CDH18: variants seen among roughly 807,000 people sequenced by gnomAD.
The protein encoded by CDH18 is cadherin-18.
Under a neutral mutation model 67.9 loss-of-function variants are expected in CDH18, and 31 were observed. The observed-to-expected ratio is 0.46, with a 90% CI of 0.34 to 0.62. The LOEUF (loss-of-function observed/expected upper bound fraction) is 0.62. Among genes scored for constraint, CDH18 ranks in the 20% least tolerant of loss-of-function variants. CDH18 has a pLI of 0.01. For synonymous variants in CDH18, 362 were observed against 347.2 expected (o/e 1.04, Z -0.48); for missense variants, 890 against 975.5 (o/e 0.91, Z 1.17).
chr5:19,836,240 A>T (rs1184718049), intron 3 of CDH18, among the ~76,000 whole-genome samples: 1 of 152,138 alleles, frequency 6.6e-6, no homozygotes, highest in East Asian at 1.9e-4. Flanking sequence ...GATGGAAAGG[A>T]TACAGAAAAA....
At chr5:20,227,058 T>C (rs1741689958) in intron 2 of CDH18, among the ~76,000 whole-genome samples, 2 of 152,212 alleles carry the variant, frequency 1.3e-5, no homozygotes, top group Middle Eastern at 3.4e-3. Flanking sequence ...TTTCACCTCT[T>C]TTTTTGCCCA....
Position 19,566,527 on chromosome 5 carries a change from C to T in CDH18, c.1253+5052G>A, listed in dbSNP as rs347708. Among the ~76,000 whole-genome samples, 1,289 of 152,274 alleles carry T rather than the reference C, an allele frequency of 8.5e-3. 20 individuals carry two copies. The highest frequency in any genetic ancestry group is 0.03 in the African/African-American group (1,233 of 41,544). On this transcript the variant is annotated intron_variant, in intron 8 of 12. Transcript: ENST00000382275. Reference sequence around the variant, plus strand: ...GGTGGAAGGCAAAAGGCACGTCTTGCGTGGGGGCAGACAAGAAAGAATGAG... The same window carrying T: ...GGTGGAAGGCAAAAGGCACGTCTTGTGTGGGGGCAGACAAGAAAGAATGAG...
At chr5:19,925,315 C>T (rs1792959479) in intron 2 of CDH18, among the ~76,000 whole-genome samples, 1 of 152,016 alleles carries the variant, frequency 6.6e-6, no homozygotes, top group Non-Finnish European at 1.5e-5. Context: ...GAAGTACTTC[C>T]AGGATCATTA....
intron 1 of CDH18, among the ~76,000 whole-genome samples, chr5:20,570,013 C>T (rs564529972): frequency 1.3e-5 from 2 of 151,936 alleles, no homozygotes; most frequent in South Asian, 2.1e-4. Context: ...TCAGGTGTTA[C>T]GGAGAAGGAA....
At chr5:19,636,445 G>A (rs1463963308) in intron 5 of CDH18, among the ~76,000 whole-genome samples, 1 of 151,694 alleles carries the variant, frequency 6.6e-6, no homozygotes, top group Non-Finnish European at 1.5e-5. Flanking sequence ...CTAAAATGTT[G>A]TACTTTATTT....
Position 20,041,870 on chromosome 5 carries a change from A to G in CDH18, c.-517-49856T>C, listed in dbSNP as rs1740450597. On this transcript the variant is annotated intron_variant, in intron 2 of 14. Coordinates refer to the CDH18 transcript ENST00000507958. ...TGTTGAATCTAACTAATCAAGCAAT[A>G]TCACACTTGGTAACAGATCATTTGT... 4.6e-5 allele frequency among the ~76,000 whole-genome samples: 7 copies of G among 152,362 alleles called. No individual in the cohort carries two copies. The South Asian group carries it at 1.4e-3, about 32-fold the overall frequency.
At chr5:19,849,365 G>A (rs890404981) in intron 2 of CDH18, among the ~76,000 whole-genome samples, 8 of 151,862 alleles carry the variant, frequency 5.3e-5, no homozygotes, top group Admixed American at 3.3e-4. Context: ...AGAGGATCAG[G>A]AGGCTATAAA....
At chr5:19,833,504 C>T (rs1294804577) in intron 3 of CDH18, among the ~76,000 whole-genome samples, 1 of 152,112 alleles carries the variant, frequency 6.6e-6, no homozygotes, top group Non-Finnish European at 1.5e-5. Context: ...TATCTGAATA[C>T]CTTTTATTTC....
chr5:19,571,331 A>C (rs1440405170), intron 8 of CDH18, among the ~76,000 whole-genome samples: 1 of 151,760 alleles, frequency 6.6e-6, no homozygotes, highest in Non-Finnish European at 1.5e-5. Context: ...GCTCACATCC[A>C]TTAAGTCAAA....
At chr5:19,926,019 T>A (rs1793042988) in intron 2 of CDH18, among the ~76,000 whole-genome samples, 1 of 152,208 alleles carries the variant, frequency 6.6e-6, no homozygotes, top group Admixed American at 6.5e-5. Flanking sequence ...GTATCAACTT[T>A]TTTTTATTCA....
rs1365520309 is a variant in CDH18, at chr5:20,311,418, T to G, written c.-579-55913A>C. Among the ~76,000 whole-genome samples, 3 of 152,118 alleles carry G rather than the reference T, an allele frequency of 2.0e-5. No homozygotes were observed. In the East Asian group the frequency reaches 5.8e-4, roughly 29 times the overall value. Reference sequence around the variant, plus strand: ...ACCCAAACGTCCATCAATGATAGACTAGATAAAGAAAATGTGGCACATATA... The same window carrying G: ...ACCCAAACGTCCATCAATGATAGACGAGATAAAGAAAATGTGGCACATATA... On this transcript the variant is annotated intron_variant, in intron 1 of 14. Coordinates refer to the CDH18 transcript ENST00000507958.
chr5:19,499,026 C>T (rs539422429), intron 11 of CDH18, among the ~76,000 whole-genome samples: 1 of 152,132 alleles, frequency 6.6e-6, no homozygotes, highest in Non-Finnish European at 1.5e-5. Flanking sequence ...CTGACCACAC[C>T]TGTGATGAGA....
chr5:19,834,180 T>C (rs1413170396), intron 3 of CDH18, among the ~76,000 whole-genome samples: 1 of 151,502 alleles, frequency 6.6e-6, no homozygotes, highest in Non-Finnish European at 1.5e-5. Flanking sequence ...TGGTAGGCTA[T>C]TAGTTACTGA....
At chr5:19,576,705 A>G (rs755030797) in intron 7 of CDH18, among the ~76,000 whole-genome samples, 1 of 152,182 alleles carries the variant, frequency 6.6e-6, no homozygotes, top group Non-Finnish European at 1.5e-5. Context: ...TGAAAGTAGA[A>G]TTCCCATAGG....
chr5:19,536,559 C>T (rs1354858233), intron 9 of CDH18, among the ~76,000 whole-genome samples: 1 of 152,120 alleles, frequency 6.6e-6, no homozygotes, highest in Non-Finnish European at 1.5e-5. Flanking sequence ...TATCTCTGTG[C>T]ATATGTTTGT....
chr5:19,797,732 A>G (rs1777007894), intron 3 of CDH18, among the ~76,000 whole-genome samples: 1 of 152,090 alleles, frequency 6.6e-6, no homozygotes, highest in East Asian at 1.9e-4. Context: ...GGGAGACACA[A>G]CAGACTAAAA....
intron 1 of CDH18, among the ~76,000 whole-genome samples, chr5:20,393,329 T>C (rs576490209): frequency 2.0e-5 from 3 of 152,062 alleles, no homozygotes; most frequent in Admixed American, 6.6e-5. Flanking sequence ...TTTAGAAGCA[T>C]ATATATACAT....
intron 2 of CDH18, among the ~76,000 whole-genome samples, chr5:19,879,371 T>C (rs1261720539): frequency 2.0e-5 from 3 of 151,868 alleles, no homozygotes; most frequent in African/African-American, 7.3e-5. Context: ...ATACATTAAA[T>C]ACTGACTTTA....
intron 2 of CDH18, among the ~76,000 whole-genome samples, chr5:19,973,397 T>C (rs868275593): frequency 6.6e-5 from 10 of 152,146 alleles, no homozygotes; most frequent in Non-Finnish European, 1.2e-4. Flanking sequence ...TGTGTCCTAT[T>C]ATCTATGTAC....
Sources: allele counts gnomAD v4.1 joint callset (sites outside exome capture counted in the v4.1 genomes callset), GRCh38; gene constraint gnomAD v4.1.1; transcripts MANE v1.5; gene names NCBI Gene and HGNC (gene_info 2026-07-23, HGNC 2026-07-21).